PUF60: variants seen among roughly 807,000 people sequenced by gnomAD.
The protein encoded by PUF60 is poly(U) binding splicing factor 60, also known as poly(U)-binding-splicing factor PUF60.
A neutral mutation model predicts 61.8 loss-of-function variants in PUF60; 10 were observed. The observed-to-expected ratio is 0.16, with a 90% CI of 0.10 to 0.27. The LOEUF (loss-of-function observed/expected upper bound fraction) is 0.27, where lower values mean the gene tolerates loss of function less well. Among genes scored for constraint, PUF60 ranks in the 10% least tolerant of loss-of-function variants. The probability of loss-of-function intolerance (pLI) is 1.00; values close to 1 mark genes in which losing one functional copy is unlikely to be tolerated. For missense variants in PUF60, 371 were observed against 754.0 expected, an observed-to-expected ratio of 0.49 and a Z score of 5.95; for synonymous variants, 353 against 300.9, an observed-to-expected ratio of 1.17 and a Z score of -1.79.
intron 2 of PUF60, chr8:143,822,373 A>G (rs1817122058): frequency 2.5e-6 from 1 of 402,886 alleles, no homozygotes; most frequent in Non-Finnish European, 5.0e-6. Flanking sequence ...AGTCCCTGCC[A>G]CAGACACAGG....
chr8:143,817,065 T>A lies in PUF60; in HGVS notation c.1225A>T (p.Thr409Ser). 1 of 1,611,420 alleles carries A rather than the reference T, an allele frequency of 6.2e-7. No homozygotes were observed. The highest frequency in any genetic ancestry group is 8.5e-7 in the Non-Finnish European group (1 of 1,179,240). The change falls in exon 11 of 12, where the codon ACG becomes TCG. Residue 409 changes from threonine (T) to serine (S), a missense_variant. Thr to Ser is a moderately conservative substitution (Grantham distance 58). Coordinates refer to ENST00000526683, the MANE Select transcript of PUF60 (RefSeq NM_078480.3). This position sits in a 1 kb window ranked among gnomAD's most constrained non-coding sequence, Gnocchi z 7.4. ...TTCTTGGGCTCCAGGAGACCCAGCG[T>A]TGGAGGGCTGGCCAGGATGGGGTTC... ...VVNPILASPP[T>S]LGLLEPKKEK... is the part of the protein sequence containing the mutation.
intron 2 of PUF60, 106 bp from the exon 3 acceptor site, chr8:143,822,019 T>A: frequency 2.5e-6 from 2 of 804,358 alleles, no homozygotes; most frequent in South Asian, 1.8e-5. Flanking sequence ...TGGCCTGTAC[T>A]CAGGCCAGCC....
In PUF60 at chr8:143,818,022, A is replaced by C. The variant is rs1275050856; in HGVS notation, c.657T>G (p.Ala219=). ...TGCGGTTGAAGGCCCGTGCCTCCTCAGCCAACTGGTCTATGATGGGCTGGG... is the reference window on the plus strand; with the variant it reads ...TGCGGTTGAAGGCCCGTGCCTCCTCCGCCAACTGGTCTATGATGGGCTGGG... ...GQAQPIIDQL[A]EEARAFNRIY... The change falls in exon 8 of 12, where the codon GCT becomes GCG. Residue 219 remains alanine (A), a synonymous_variant. Transcript: ENST00000526683. The surrounding 1 kb of genome is among the most constrained non-coding windows in gnomAD (Gnocchi z 7.9). 1 of 1,612,746 alleles carries C rather than the reference A, an allele frequency of 6.2e-7. No individual in the cohort carries two copies. The highest frequency in any genetic ancestry group is 8.5e-7 in the Non-Finnish European group (1 of 1,179,852).
At chr8:143,822,822 G>GC (rs1327992894) in intron 2 of PUF60, 2 of 337,132 alleles carry the variant, frequency 5.9e-6, no homozygotes, top group Admixed American at 3.9e-5. Context: ...GCATGCCTGC[G>GC]CCTGTCCTCC....
chr8:143,824,349 T>TGCCGCC lies in PUF60; in HGVS notation c.69_74dup (p.Ala24_Ala25dup), dbSNP rs540307276. On this transcript the variant is annotated inframe_insertion, in exon 2 of 12. Coordinates refer to ENST00000526683, the MANE Select transcript of PUF60 (RefSeq NM_078480.3). The stretch of plus-strand genomic sequence containing the variant: ...TCCATTTGTCTCCCGCTGCCACCAC[T>TGCCGCC]GCCGCCGCCGCCGCCGGCTCGGACC... 28 of 1,612,192 alleles carry TGCCGCC rather than the reference T, an allele frequency of 1.7e-5. No homozygotes were observed. The highest frequency in any genetic ancestry group is 4.0e-5 in the African/African-American group (3 of 74,898).
In PUF60 at chr8:143,829,060, G is replaced by A. The variant is rs564168792; in HGVS notation, c.24+220C>T. 16 of 1,030,146 alleles carry A rather than the reference G, an allele frequency of 1.6e-5. No individual in the cohort carries two copies. In the East Asian group the frequency reaches 4.4e-4, roughly 28 times the overall value. 63.8% of individuals were successfully genotyped at this position (1,030,146 alleles called of 1,614,324 possible). ...CGCGCCCAGGCCCCCGCCCCGCCCC[G>A]CCGGAAGCTGGGGTCCGCAGGCCGG... On this transcript the variant is annotated intron_variant, in intron 1 of 11. Transcript: ENST00000526683.
At position 143,820,652 on chromosome 8, in the gene PUF60, G is replaced by T. The variant is rs1367236084; in HGVS notation, c.348+14C>A. 1 of 1,610,294 alleles carries T rather than the reference G, an allele frequency of 6.2e-7. No individual in the cohort carries two copies. The highest frequency in any genetic ancestry group is 1.7e-5 in the Admixed American group (1 of 60,022). Reference sequence around the variant, plus strand: ...AGGACATGAGCCCCGGAAGAAGTGAGCATTTCTATTGACCGATTGCAAAGG... The same window carrying T: ...AGGACATGAGCCCCGGAAGAAGTGATCATTTCTATTGACCGATTGCAAAGG... On this transcript the variant is annotated intron_variant, in intron 5 of 11. Transcript: ENST00000526683.
chr8:143,824,224 C>G, intron 2 of PUF60, 89 bp downstream of exon 2: 33 of 1,364,134 alleles, frequency 2.4e-5, no homozygotes, highest in Non-Finnish European at 3.3e-5. Context: ...CCCCAGCCAG[C>G]CCTCTCTGGG....
intron 4 of PUF60, among the ~76,000 whole-genome samples, chr8:143,821,032 G>A (rs1041496199): frequency 5.3e-5 from 8 of 152,194 alleles, no homozygotes; most frequent in Non-Finnish European, 1.0e-4. Flanking sequence ...GGGCTGGGCG[G>A]GGGGGCGTGA....
At chr8:143,821,767 C>A in intron 3 of PUF60, 51 bp downstream of exon 3, 1 of 1,568,482 alleles carries the variant, frequency 6.4e-7, no homozygotes, top group Non-Finnish European at 8.7e-7. Context: ...CCTGCCCCTG[C>A]CCCCAGTTGA....
At chr8:143,828,879 A>C (rs1030812077) in intron 1 of PUF60, 21 of 968,866 alleles carry the variant, frequency 2.2e-5, no homozygotes, top group Non-Finnish European at 2.5e-5. Flanking sequence ...TTCTGATCCC[A>C]TCAACCCGAA....
chr8:143,821,519 CAGG>C (rs1817017973), intron 4 of PUF60, 75 bp downstream of exon 4: 1 of 1,298,774 alleles, frequency 7.7e-7, no homozygotes, highest in Non-Finnish European at 1.1e-6. Context: ...GCCGCAGGCC[CAGG>C]AGGAGGAAGA....
At chr8:143,827,474 C>A (rs181069353) in intron 1 of PUF60, 147 of 456,076 alleles carry the variant, frequency 3.2e-4, no homozygotes, top group African/African-American at 2.7e-3. Flanking sequence ...CATCTTCTGG[C>A]TTCCTTCCCC....
At position 143,818,617 on chromosome 8, in the gene PUF60, C is replaced by T; in HGVS notation, c.349-83G>A. On this transcript the variant is annotated intron_variant, in intron 5 of 11. Transcript: ENST00000526683. This position sits in a 1 kb window ranked among gnomAD's most constrained non-coding sequence, Gnocchi z 7.9. ...GCAGCCCACTCCCCTCCTGGCCCAC[C>T]CACCCAGCCCTGCTGTGGGGAGGGC... 1.4e-6 allele frequency: 2 copies of T among 1,414,998 alleles called. No individual in the cohort carries two copies. Among genetic ancestry groups the T allele is most frequent in the Non-Finnish European group, 1.9e-6 (2 of 1,059,666 alleles). The allele number at this position is 1,414,998 out of a possible 1,614,324, so 87.7% of individuals were successfully genotyped here. A position where few individuals can be genotyped will look rare whatever the true frequency, so the allele number is the denominator to read the frequency against.
At position 143,816,424 on chromosome 8, in the gene PUF60, TGGGCA is replaced by T; in HGVS notation, c.*91_*95del. 1 of 1,371,662 alleles carries T rather than the reference TGGGCA, an allele frequency of 7.3e-7. No homozygotes were observed. Among genetic ancestry groups the T allele is most frequent in the Non-Finnish European group, 9.8e-7 (1 of 1,017,944 alleles). The allele number at this position is 1,371,662 out of a possible 1,614,324, so 85.0% of individuals were successfully genotyped here. ...CCTTTATCCGCACTGTAGGCTGGGC[TGGGCA>T]GAGCGCGCCTGGCCCCGGGGACACC... On this transcript the variant is annotated 3_prime_UTR_variant, in exon 12 of 12. Transcript: ENST00000526683.
At chr8:143,820,323 T>G (rs1816869685) in intron 5 of PUF60, 1 of 321,934 alleles carries the variant, frequency 3.1e-6, no homozygotes, top group African/African-American at 2.2e-5. Flanking sequence ...GCCTGGAGAC[T>G]GACGGGGCTG....
rs1040027244 is a variant in PUF60 at position 143,816,494 on chromosome 8, T to G, written c.*26A>C. On this transcript the variant is annotated 3_prime_UTR_variant, in exon 12 of 12. Coordinates refer to ENST00000526683, the MANE Select transcript of PUF60 (RefSeq NM_078480.3). ...AAACCCAGAGGAAACAAGGAACAAG[T>G]GCAAGTCCGGGGAGAGGGACCACTG... 9 of 1,585,188 alleles carry G rather than the reference T, an allele frequency of 5.7e-6. No individual in the cohort carries two copies. In the Admixed American group the frequency reaches 6.9e-5, roughly 12 times the overall value.
intron 1 of PUF60, among the ~76,000 whole-genome samples, chr8:143,825,819 G>A (rs1477801408): frequency 2.6e-5 from 4 of 152,236 alleles, no homozygotes; most frequent in Admixed American, 1.3e-4. Context: ...CCAGTCTCCA[G>A]ATACCCGTGA....
chr8:143,816,458 G>T lies in PUF60; in HGVS notation c.*62C>A. On this transcript the variant is annotated 3_prime_UTR_variant, in exon 12 of 12. Coordinates refer to ENST00000526683, the MANE Select transcript of PUF60 (RefSeq NM_078480.3). The stretch of plus-strand genomic sequence containing the variant: ...CGCGCCTGGCCCCGGGGACACCACT[G>T]TATCACTATAAAACCCAGAGGAAAC... 6.5e-7 allele frequency: 1 copy of T among 1,545,168 alleles called. No individual in the cohort carries two copies. The highest frequency in any genetic ancestry group is 8.7e-7 in the Non-Finnish European group (1 of 1,145,926).
Sources: gnomAD v4.1 joint callset for allele counts (sites outside exome capture counted in the v4.1 genomes callset) on GRCh38, gnomAD v4.1.1 for gene constraint, Gnocchi (gnomAD v3.1) non-coding constraint, MANE v1.5 for transcripts, NCBI Gene and HGNC (gene_info 2026-07-23, HGNC 2026-07-21) for gene names.